MST1: variants seen among roughly 807,000 people sequenced by gnomAD.
MST1 encodes hepatocyte growth factor-like protein.
In MST1, 76 loss-of-function variants were observed where a neutral mutation model predicts 100.1. That is an observed-to-expected ratio of 0.76 (90% confidence interval 0.63 to 0.92). MST1 has a LOEUF of 0.92. MST1 is among the 40% of genes least tolerant of loss of function. The probability of loss-of-function intolerance (pLI) is 0.00; values close to 1 mark genes in which losing one functional copy is unlikely to be tolerated. For synonymous variants in MST1, 352 were observed against 385.4 expected (o/e 0.91, Z 1.01); for missense variants, 850 against 990.0 (o/e 0.86, Z 1.90).
Position 49,687,810 on chromosome 3 carries a change from TGCCAAGGCCCG to T in MST1, c.171_181del (p.Pro59GlyfsTer6), listed in dbSNP as rs2053918430. 6.2e-7 allele frequency: 1 copy of T among 1,613,526 alleles called. No homozygotes were observed. Among genetic ancestry groups the T allele is most frequent in the Admixed American group, 1.7e-5 (1 of 60,004 alleles). Reference sequence around the variant, plus strand: ...CTCTTCAGCATCTGCCACATCCTCCTGCCAAGGCCCGGGCACCACCGCATGTAGCAGGTGCT... The same window carrying T: ...CTCTTCAGCATCTGCCACATCCTCCTGGCACCACCGCATGTAGCAGGTGCT... On this transcript the variant is annotated frameshift_variant, in exon 2 of 18. Transcript: ENST00000449682. LOFTEE classifies it high-confidence loss of function.
At chr3:49,688,406 A>G in intron 1 of MST1, 192 bp downstream of exon 1, 1 of 586,888 alleles carries the variant, frequency 1.7e-6, no homozygotes, top group Non-Finnish European at 3.1e-6. Context: ...GCTAGAGCAG[A>G]CGTGCTAATA....
At position 49,687,200 on chromosome 3, in the gene MST1, T is replaced by C. The variant is rs2053848538; in HGVS notation, c.556A>G (p.Thr186Ala). 6.2e-7 allele frequency: 1 copy of C among 1,613,436 alleles called. No homozygotes were observed. ...GDPGGPWCYT[T>A]DPAVRFQSCG... ...CTCTGGAAGCGCACAGCAGGGTCTG[T>C]TGTGTAGCACCAAGGACCTCCGGGG... The change falls in exon 5 of 18, where the codon ACA becomes GCA. Residue 186 changes from threonine to alanine, a missense_variant. Physicochemically the swap from Thr to Ala is moderately conservative, Grantham distance 58. Around this residue, in one of 2 missense-constraint regions of MST1, gnomAD observed 816 missense variants for 924.6 expected, o/e 0.88. Coordinates refer to ENST00000449682, the MANE Select transcript of MST1 (RefSeq NM_020998.4).
In MST1 at chr3:49,685,808, A is replaced by G; in HGVS notation, c.1250+52T>C. ...AGGCTCTGGTCCCAGACACCAAAGC[A>G]TGCCGCCCCAGGGTTAGGGCCCTGG... On this transcript the variant is annotated intron_variant, in intron 10 of 17. Transcript: ENST00000449682. 3.1e-6 allele frequency: 5 copies of G among 1,612,638 alleles called. No homozygotes were observed. In the Admixed American group the frequency reaches 6.7e-5, roughly 21 times the overall value.
In MST1 at chr3:49,687,494, A is replaced by G. The variant is rs768407598; in HGVS notation, c.356-16T>C. The G allele has an allele frequency of 6.2e-7, 1 of 1,613,494 alleles. No homozygotes were observed. The highest frequency in any genetic ancestry group is 2.2e-5 in the East Asian group (1 of 44,892). ...CGTACGTAGTCTGGGAGCAAGAGAC[A>G]GAAGATCAACTTGGGCTGAGGTCCC... On this transcript the variant is annotated splice_polypyrimidine_tract_variant and intron_variant, in intron 3 of 17. Transcript: ENST00000449682.
intron 14 of MST1, 32 bp downstream of exon 14, chr3:49,684,980 A>G: frequency 6.2e-7 from 1 of 1,612,874 alleles, no homozygotes; most frequent in Non-Finnish European, 8.5e-7. Flanking sequence ...AGGTGGGATG[A>G]GACTGGGTCC....
intron 12 of MST1, 33 bp from the exon 13 acceptor site, chr3:49,685,415 A>T (rs377425540): frequency 6.2e-7 from 1 of 1,613,496 alleles, no homozygotes; most frequent in African/African-American, 1.3e-5. Context: ...TGAAACCCAG[A>T]CTGTGTGGAT....
Position 49,684,107 on chromosome 3 carries a change from G to T in MST1, c.2099C>A (p.Ala700Glu), listed in dbSNP as rs746299968. 16 of 1,613,548 alleles carry T rather than the reference G, an allele frequency of 9.9e-6. No individual in the cohort carries two copies. Residue 700 changes from alanine (A) to glutamate (E), a missense_variant, in exon 18 of 18, where the codon GCA (alanine) becomes GAA (glutamate). By Grantham distance (107) the Ala-to-Glu change is moderately radical. Around this residue, in one of 2 missense-constraint regions of MST1, gnomAD observed 816 missense variants for 924.6 expected, o/e 0.88. Coordinates refer to ENST00000449682, the MANE Select transcript of MST1 (RefSeq NM_020998.4). ...EGIIIPNRVC[A>E]RSRWPAVFTR... ...GAAGACAGCTGGCCAGCGGGACCTT[G>T]CGCATACTCGGTTGGGGATTATAAT...
chr3:49,685,934 G>C lies in MST1; in HGVS notation c.1176C>G (p.Tyr392Ter), dbSNP rs1388049362. ...TGCGGGTCTTGCTGACCGTGCCGCG[G>C]TACTGCTCCCCTGCGCCGTGGTAGC... ...QDCYHGAGEQ[Y>*]RGTVSKTRKG... Residue 392 changes from tyrosine (Y) to a stop codon, truncating the protein, a stop_gained, in exon 10 of 18, where the codon TAC becomes TAG. Transcript: ENST00000449682. LOFTEE classifies it high-confidence loss of function. 6.2e-7 allele frequency: 1 copy of C among 1,609,798 alleles called. No homozygotes were observed. The highest frequency in any genetic ancestry group is 2.2e-5 in the East Asian group (1 of 44,838).
chr3:49,687,245 A>G lies in MST1; in HGVS notation c.511T>C (p.Cys171Arg). 3.1e-6 allele frequency: 5 copies of G among 1,613,540 alleles called. No homozygotes were observed. The highest frequency in any genetic ancestry group is 1.7e-5 in the Admixed American group (1 of 60,020). The change falls in exon 5 of 18, where the codon TGC (cysteine) becomes CGC (arginine). Residue 171 changes from cysteine to arginine, a missense_variant. By Grantham distance (180) the Cys-to-Arg change is radical. Transcript: ENST00000449682. ...TLRNGLEENFCRNPDGDPGGP... is the reference protein window; with the variant it reads ...TLRNGLEENFRRNPDGDPGGP... ...CCGGGGTCGCCATCAGGGTTACGGC[A>G]GAAGTTCTCTTCCAGGCCATTCCGG...
At position 49,685,522 on chromosome 3, in the gene MST1, C is replaced by T. The variant is rs766912744; in HGVS notation, c.1388-16G>A. On this transcript the variant is annotated splice_polypyrimidine_tract_variant and intron_variant, in intron 11 of 17. Transcript: ENST00000449682. ...TGGTCATCAGCTGAAAGACAAAGTT[C>T]ACTGGGGTTAAGGGAGCCAGCCTTT... The T allele has an allele frequency of 2.5e-6, 4 of 1,613,440 alleles. No individual in the cohort carries two copies. In the South Asian group the frequency reaches 4.4e-5, roughly 18 times the overall value.
rs1559645874 is a variant in MST1, at chr3:49,684,470, GGGGAGA to G, written c.1877-23_1877-18del. On this transcript the variant is annotated intron_variant, in intron 16 of 17. Transcript: ENST00000449682. ...TACCCGTACCTGCAGTGAGGGGAAT[GGGGAGA>G]GGGAGAGGGTCCTGCAGGAAGATCC... is the stretch of plus-strand genomic sequence containing the variant. 2 of 1,613,524 alleles carry G rather than the reference GGGGAGA, an allele frequency of 1.2e-6. No individual in the cohort carries two copies. Among genetic ancestry groups the G allele is most frequent in the East Asian group, 2.2e-5 (1 of 44,892 alleles).
chr3:49,685,654 G>A lies in MST1; in HGVS notation c.1329C>T (p.Pro443=). ...CRNPDGDSHG[P]WCYTMDPRTP... The stretch of plus-strand genomic sequence containing the variant: ...TCCTTGGGTCCATCGTGTAGCACCA[G>A]GGCCCATGGCTATCCCCATCTGGGT... The change falls in exon 11 of 18, where the codon CCC becomes CCT. Residue 443 remains proline, a synonymous_variant. Transcript: ENST00000449682. The A allele has an allele frequency of 6.2e-7, 1 of 1,613,448 alleles. No individual in the cohort carries two copies. Among genetic ancestry groups the A allele is most frequent in the South Asian group, 1.1e-5 (1 of 91,078 alleles).
intron 1 of MST1, chr3:49,688,168 T>A (rs1445124592): frequency 3.5e-5 from 19 of 537,140 alleles, no homozygotes; most frequent in Non-Finnish European, 6.0e-5. Flanking sequence ...ATACGCTCTG[T>A]GAGAGCAGTG....
chr3:49,687,973 T>A, intron 1 of MST1, 76 bp from the exon 2 acceptor site: 3 of 1,484,274 alleles, frequency 2.0e-6, no homozygotes, highest in Non-Finnish European at 2.7e-6. Context: ...GTCCACACTT[T>A]GTTCATTCAG....
In MST1 at chr3:49,685,712, G is replaced by C; in HGVS notation, c.1271C>G (p.Pro424Arg). The C allele has an allele frequency of 1.2e-6, 2 of 1,613,158 alleles. No homozygotes were observed. Among genetic ancestry groups the C allele is most frequent in the Non-Finnish European group, 8.5e-7 (1 of 1,179,810 alleles). The change falls in exon 11 of 18, where the codon CCG becomes CGG. Residue 424 changes from proline (P) to arginine (R), a missense_variant. By Grantham distance (103) the Pro-to-Arg change is moderately radical. Coordinates refer to ENST00000449682, the MANE Select transcript of MST1 (RefSeq NM_020998.4). ...GAAGTTCTCCTCCAGTTGTGCATGCGGTTCGGAGGTAAACGTGAACCTAGG... is the reference window on the plus strand; with the variant it reads ...GAAGTTCTCCTCCAGTTGTGCATGCCGTTCGGAGGTAAACGTGAACCTAGG... ...HKPQFTFTSE[P>R]HAQLEENFCR...
In MST1 at chr3:49,684,010, A is replaced by G. The variant is rs1475492444; in HGVS notation, c.*18T>C. On this transcript the variant is annotated 3_prime_UTR_variant, in exon 18 of 18. Transcript: ENST00000449682. ...AGAAGTTTTGTCCTCCCCAAGGCAT[A>G]TGGCATCAAGGCTGGGCCTAACCCA... is the stretch of plus-strand genomic sequence containing the variant. 1.9e-6 allele frequency: 3 copies of G among 1,610,666 alleles called. No homozygotes were observed. Among genetic ancestry groups the G allele is most frequent in the Non-Finnish European group, 2.5e-6 (3 of 1,178,448 alleles).
At position 49,685,070 on chromosome 3, in the gene MST1, C is replaced by T. The variant is rs779600056; in HGVS notation, c.1564G>A (p.Gly522Arg). 2.9e-5 allele frequency: 46 copies of T among 1,611,258 alleles called. No homozygotes were observed. The African/African-American group carries it at 3.9e-4, about 14-fold the overall frequency. Residue 522 changes from glycine to arginine, a missense_variant, in exon 14 of 18, where the codon GGG becomes AGG. Gly to Arg is a moderately radical substitution (Grantham distance 125). Around this residue, in one of 2 missense-constraint regions of MST1, gnomAD observed 816 missense variants for 924.6 expected, o/e 0.88. Transcript: ENST00000449682. ...LRNRQGQHFC[G>R]GSLVKEQWIL... is the part of the protein sequence containing the mutation. ...CACTGCTCCTTCACTAGAGACCCCC[C>T]GCAGAAATGCTGGCCCTGCCTAGAG...
rs2053786050 is a variant in MST1, at chr3:49,686,687, A to C, written c.844T>G (p.Cys282Gly). Residue 282 changes from cysteine to glycine, a missense_variant, in exon 7 of 18, where the codon TGC (cysteine) becomes GGC (glycine). Cys to Gly is a radical substitution (Grantham distance 159). Coordinates refer to ENST00000449682, the MANE Select transcript of MST1 (RefSeq NM_020998.4). ...AGGCCTGGTCCCCGCCGCCTACCGCAGCGGGGGAGGTCACAGAACTCTCGC... is the reference window on the plus strand; with the variant it reads ...AGGCCTGGTCCCCGCCGCCTACCGCCGCGGGGGAGGTCACAGAACTCTCGC... ...IEREFCDLPR[C>G]GSEAQPRQEA... is the part of the protein sequence containing the mutation. 1 of 1,558,974 alleles carries C rather than the reference A, an allele frequency of 6.4e-7. No individual in the cohort carries two copies. Among genetic ancestry groups the C allele is most frequent in the South Asian group, 1.2e-5 (1 of 85,852 alleles).
At position 49,684,175 on chromosome 3, in the gene MST1, G is replaced by T. The variant is rs2053488381; in HGVS notation, c.2031C>A (p.Gly677=). 1 of 1,612,606 alleles carries T rather than the reference G, an allele frequency of 6.2e-7. No homozygotes were observed. Among genetic ancestry groups the T allele is most frequent in the African/African-American group, 1.3e-5 (1 of 75,012 alleles). The change falls in exon 18 of 18, where the codon GGC becomes GGA. Residue 677 remains glycine (G), a synonymous_variant. Transcript: ENST00000449682. ...PVGACEGDYG[G]PLACFTHNCW... ...AGTTGTGGGTAAAGCAGGCAAGTGG[G>T]CCCCCGTAGTCACCCTGGCAGGTAG...
Sources: gnomAD v4.1 joint callset for allele counts on GRCh38, gnomAD v4.1.1 for gene constraint, gnomAD v4.1.1 regional missense constraint, MANE v1.5 for transcripts, NCBI Gene and HGNC (gene_info 2026-07-23, HGNC 2026-07-21) for gene names.